Variants in DCTN1 observed in about 807,000 individuals in gnomAD.
The protein encoded by DCTN1 is 150 kDa dynein-associated polypeptide.
In DCTN1, 61 loss-of-function variants were observed where a neutral mutation model predicts 161.2. That is an observed-to-expected ratio of 0.38 (90% confidence interval 0.31 to 0.47). DCTN1 has a LOEUF of 0.47. DCTN1 is among the 20% of genes least tolerant of loss of function. The pLI is 0.99. For missense variants in DCTN1, 1,404 were observed against 1,623.7 expected, an observed-to-expected ratio of 0.86 and a Z score of 2.33; for synonymous variants, 653 against 632.4, an observed-to-expected ratio of 1.03 and a Z score of -0.49.
rs900900863 is a variant in DCTN1, at chr2:74,369,853, C to G, written c.1392+112G>C. Reference sequence around the variant, plus strand: ...AAAAAAAAAGGCAGGGTCAGGGTAGCAAGCCCAGGCTGGGTCCCTCACCGC... The same window carrying G: ...AAAAAAAAAGGCAGGGTCAGGGTAGGAAGCCCAGGCTGGGTCCCTCACCGC... On this transcript the variant is annotated intron_variant, in intron 13 of 31. Transcript: ENST00000628224. The surrounding 1 kb of genome is among the most constrained non-coding windows in gnomAD (Gnocchi z 4.9). 6.8e-6 allele frequency: 7 copies of G among 1,027,372 alleles called. No individual in the cohort carries two copies. The highest frequency in any genetic ancestry group is 1.1e-5 in the Non-Finnish European group (7 of 661,536). The allele number at this position is 1,027,372 out of a possible 1,614,324, so 63.6% of individuals were successfully genotyped here.
intron 26 of DCTN1, chr2:74,364,723 C>T (rs1674272020): frequency 7.9e-6 from 3 of 379,814 alleles, no homozygotes; most frequent in Non-Finnish European, 1.5e-5. Flanking sequence ...GGCTGGATGC[C>T]CCAGGAGAGT....
intron 1 of DCTN1, among the ~76,000 whole-genome samples, chr2:74,388,490 A>C (rs1675844846): frequency 6.6e-6 from 1 of 152,186 alleles, no homozygotes; most frequent in African/African-American, 2.4e-5. Context: ...CCCTTTATGC[A>C]TCTGCAAATG....
Position 74,363,007 on chromosome 2 carries a change from A to C in DCTN1, c.3516T>G (p.Thr1172=), listed in dbSNP as rs1313482897. The C allele has an allele frequency of 1.1e-5, 17 of 1,613,194 alleles. No individual in the cohort carries two copies. Among genetic ancestry groups the C allele is most frequent in the Non-Finnish European group, 1.4e-5 (17 of 1,179,652 alleles). The change falls in exon 29 of 32, where the codon ACT becomes ACG. Residue 1172 remains threonine, a synonymous_variant. Transcript: ENST00000628224. Reference sequence around the variant, plus strand: ...GCAGGTACATACCAGGGCTGGTGCGAGTGATGTCTACTACGTGCGTGTGTG... The same window carrying C: ...GCAGGTACATACCAGGGCTGGTGCGCGTGATGTCTACTACGTGCGTGTGTG... The part of the protein sequence containing the change: ...LSTHTHVVDI[T]RTSPAAKSPS...
rs765355720 is a variant in DCTN1 at position 74,370,383 on chromosome 2, G to A, written c.1128-38C>T. 1.1e-5 allele frequency: 18 copies of A among 1,614,044 alleles called. No individual in the cohort carries two copies. Among genetic ancestry groups the A allele is most frequent in the Middle Eastern group, 3.3e-4 (2 of 6,062 alleles). On this transcript the variant is annotated intron_variant, in intron 11 of 31. Transcript: ENST00000628224. The surrounding 1 kb of genome is among the most constrained non-coding windows in gnomAD (Gnocchi z 4.4). ...GAGGAAGGCAGAAGGAGGAAAGCACGTGTCAGAGTCTCTGGCGATGGGTGC... is the reference window on the plus strand; with the variant it reads ...GAGGAAGGCAGAAGGAGGAAAGCACATGTCAGAGTCTCTGGCGATGGGTGC...
chr2:74,382,591 A>G (rs1351228787), upstream of DCTN1, among the ~76,000 whole-genome samples: 1 of 139,394 alleles, frequency 7.2e-6, no homozygotes, highest in Non-Finnish European at 1.5e-5. Flanking sequence ...ACAGACTGAG[A>G]CTCAAAAAAA....
chr2:74,371,397 A>G (rs1237232765), intron 8 of DCTN1, 140 bp downstream of exon 8: 1 of 1,239,512 alleles, frequency 8.1e-7, no homozygotes, highest in African/African-American at 1.5e-5. Flanking sequence ...GTCAGTAGCA[A>G]GATATCCATA....
At chr2:74,378,616 C>T (rs1038374642) in intron 1 of DCTN1, among the ~76,000 whole-genome samples, 1 of 152,162 alleles carries the variant, frequency 6.6e-6, no homozygotes, top group Non-Finnish European at 1.5e-5. Flanking sequence ...AGACCAGGCT[C>T]CCCACAACCC....
chr2:74,375,396 C>A (rs1424499711), intron 5 of DCTN1, among the ~76,000 whole-genome samples: 2 of 152,230 alleles, frequency 1.3e-5, no homozygotes, highest in Non-Finnish European at 2.9e-5. Flanking sequence ...TGAAAAATAA[C>A]TACTGGAGAG....
intron 6 of DCTN1, chr2:74,373,175 T>C (rs1479393619): frequency 1.6e-6 from 1 of 621,650 alleles, no homozygotes; most frequent in African/African-American, 1.8e-5. Context: ...CTCCCACTTT[T>C]GTCCAATCCT....
At position 74,378,129 on chromosome 2, in the gene DCTN1, T is replaced by C. The variant is rs1295226562; in HGVS notation, c.150A>G (p.Thr50=). 1.2e-6 allele frequency: 2 copies of C among 1,614,272 alleles called. No homozygotes were observed. Among genetic ancestry groups the C allele is most frequent in the Non-Finnish European group, 1.7e-6 (2 of 1,180,048 alleles). The part of the protein sequence containing the change: ...HRGTVAYVGA[T]LFATGKWVGV... ...CTACCCATTTGCCAGTGGCAAACAG[T>C]GTGGCTCCAACATAGGCCACAGTGC... The change falls in exon 2 of 32, where the codon ACA becomes ACG. Residue 50 remains threonine (T), a synonymous_variant. Transcript: ENST00000628224.
chr2:74,367,152 C>G (rs1674481605), intron 19 of DCTN1, 45 bp from the exon 20 acceptor site: 1 of 1,610,704 alleles, frequency 6.2e-7, no homozygotes, highest in Admixed American at 1.7e-5. Context: ...AGCAGGAGCC[C>G]TTCTGCCTTA....
chr2:74,380,529 A>G (rs2103738705), upstream of DCTN1: 1 of 472,450 alleles, frequency 2.1e-6, no homozygotes, highest in East Asian at 6.9e-5. Flanking sequence ...CCAGGATGTA[A>G]GGCCTCAGCA....
At chr2:74,390,906 G>A (rs1188799139) in intron 1 of DCTN1, among the ~76,000 whole-genome samples, 1 of 152,084 alleles carries the variant, frequency 6.6e-6, no homozygotes, top group Non-Finnish European at 1.5e-5. Context: ...CATCACCCAA[G>A]AATAACAGTA....
At chr2:74,375,292 C>G (rs931471638) in intron 5 of DCTN1, among the ~76,000 whole-genome samples, 1 of 152,242 alleles carries the variant, frequency 6.6e-6, no homozygotes, top group Non-Finnish European at 1.5e-5. Flanking sequence ...GCAGAGACAT[C>G]TGAGTTTTCT....
Position 74,361,256 on chromosome 2 carries a change from T to G in DCTN1, c.*243A>C, listed in dbSNP as rs1468506892. On this transcript the variant is annotated 3_prime_UTR_variant, in exon 32 of 32. Transcript: ENST00000628224. The stretch of plus-strand genomic sequence containing the variant: ...GTCTCAGCCTACCCCCCACAAGCCC[T>G]GAGGCCCCTCAGGAAGGAGGGAGCA... 1.5e-6 allele frequency: 1 copy of G among 659,560 alleles called. No homozygotes were observed. Among genetic ancestry groups the G allele is most frequent in the African/African-American group, 1.8e-5 (1 of 56,390 alleles). The allele number at this position is 659,560 out of a possible 1,614,324, so 40.9% of individuals were successfully genotyped here.
chr2:74,369,873 C>T lies in DCTN1; in HGVS notation c.1392+92G>A. 7.8e-7 allele frequency: 1 copy of T among 1,280,310 alleles called. No homozygotes were observed. Among genetic ancestry groups the T allele is most frequent in the Non-Finnish European group, 1.1e-6 (1 of 883,294 alleles). The allele number at this position is 1,280,310 out of a possible 1,614,324, so 79.3% of individuals were successfully genotyped here. A position where few individuals can be genotyped will look rare whatever the true frequency, so the allele number is the denominator to read the frequency against. The stretch of plus-strand genomic sequence containing the variant: ...GGTAGCAAGCCCAGGCTGGGTCCCT[C>T]ACCGCACACCCTGCTCAAAGGCCAA... On this transcript the variant is annotated intron_variant, in intron 13 of 31. Transcript: ENST00000628224. This position sits in a 1 kb window ranked among gnomAD's most constrained non-coding sequence, Gnocchi z 4.9.
chr2:74,373,315 C>T (rs1675007509), intron 6 of DCTN1: 1 of 355,760 alleles, frequency 2.8e-6, no homozygotes. Context: ...CTCTCCAACT[C>T]CAGTCCAGAG....
Position 74,368,710 on chromosome 2 carries a change from G to A in DCTN1, c.1854+18C>T, listed in dbSNP as rs1429700023. The A allele has an allele frequency of 6.2e-7, 1 of 1,614,134 alleles. No homozygotes were observed. The highest frequency in any genetic ancestry group is 8.5e-7 in the Non-Finnish European group (1 of 1,180,060). On this transcript the variant is annotated intron_variant, in intron 16 of 31. Transcript: ENST00000628224. Reference sequence around the variant, plus strand: ...AGTTCACTAGATTTCTGTGGAACATGTGATTGATTGGCCATACCTTGCAAA... The same window carrying A: ...AGTTCACTAGATTTCTGTGGAACATATGATTGATTGGCCATACCTTGCAAA...
At position 74,378,270 on chromosome 2, in the gene DCTN1, C is replaced by G. The variant is rs766817471; in HGVS notation, c.34-25G>C. 1.4e-5 allele frequency: 22 copies of G among 1,601,600 alleles called. No individual in the cohort carries two copies. In the South Asian group the frequency reaches 2.4e-4, roughly 18 times the overall value. ...TCTGAAAGACACAGGTAAACACAGACAGTTAGAGGCCTCAGATCAAAGGTG... is the reference window on the plus strand; with the variant it reads ...TCTGAAAGACACAGGTAAACACAGAGAGTTAGAGGCCTCAGATCAAAGGTG... On this transcript the variant is annotated intron_variant, in intron 1 of 31. Coordinates refer to ENST00000628224, the MANE Select transcript of DCTN1 (RefSeq NM_004082.5).
Sources: allele counts gnomAD v4.1 joint callset (sites outside exome capture counted in the v4.1 genomes callset), GRCh38; gene constraint gnomAD v4.1.1; non-coding constraint Gnocchi (gnomAD v3.1); transcripts MANE v1.5; gene names NCBI Gene and HGNC (gene_info 2026-07-23, HGNC 2026-07-21).